The following PLEKHA5 variants were observed in gnomAD, a reference collection of about 807,000 sequenced individuals.
PLEKHA5 encodes the protein pleckstrin homology domain containing A5, also known as pleckstrin homology domain-containing family A member 5.
A neutral mutation model predicts 181.9 loss-of-function variants in PLEKHA5; 55 were observed. The ratio of observed to expected loss-of-function variants is 0.30; its 90% CI spans 0.24 to 0.38. The LOEUF (loss-of-function observed/expected upper bound fraction) is 0.38. PLEKHA5 is among the 10% of genes least tolerant of loss of function. PLEKHA5 has a pLI of 1.00. For synonymous variants in PLEKHA5, 535 were observed against 529.4 expected, an observed-to-expected ratio of 1.01 and a Z score of -0.15; for missense variants, 1,432 against 1,549.5, an observed-to-expected ratio of 0.92 and a Z score of 1.27.
At chr12:19,179,897 G>C (rs1021798617) in intron 3 of PLEKHA5, among the ~76,000 whole-genome samples, 3 of 152,104 alleles carry the variant, frequency 2.0e-5, no homozygotes, top group Admixed American at 2.0e-4. Flanking sequence ...AAAGGGTCTC[G>C]CTATATTTCC....
chr12:19,230,423 G>A (rs538483485), intron 3 of PLEKHA5, among the ~76,000 whole-genome samples: 145 of 152,250 alleles, frequency 9.5e-4, no homozygotes, highest in African/African-American at 2.5e-3. Context: ...GGTGCTCGTC[G>A]GGGAGGCTTG....
intron 3 of PLEKHA5, among the ~76,000 whole-genome samples, chr12:19,183,935 G>T (rs1423670191): frequency 6.6e-6 from 1 of 151,898 alleles, no homozygotes; most frequent in Non-Finnish European, 1.5e-5. Flanking sequence ...GGCTGGTCTC[G>T]AACTCCTGAC....
At chr12:19,245,413 G>A (rs893519240) in intron 3 of PLEKHA5, among the ~76,000 whole-genome samples, 11 of 152,070 alleles carry the variant, frequency 7.2e-5, no homozygotes, top group Non-Finnish European at 1.3e-4. Flanking sequence ...TTATTTTGCC[G>A]TTGGTTGAAT....
chr12:19,182,807 C>T (rs1230834769), intron 3 of PLEKHA5, among the ~76,000 whole-genome samples: 2 of 152,144 alleles, frequency 1.3e-5, no homozygotes, highest in Non-Finnish European at 2.9e-5. Flanking sequence ...TATTTGCTGT[C>T]AAATGCCAGA....
At chr12:19,324,263 A>G (rs1309661903) in intron 20 of PLEKHA5, among the ~76,000 whole-genome samples, 1 of 152,188 alleles carries the variant, frequency 6.6e-6, no homozygotes, top group East Asian at 1.9e-4. Context: ...TGATTTTAAA[A>G]TCACTGAAAA....
chr12:19,333,931 T>C (rs1248713070), intron 20 of PLEKHA5, among the ~76,000 whole-genome samples: 1 of 152,108 alleles, frequency 6.6e-6, no homozygotes, highest in Non-Finnish European at 1.5e-5. Flanking sequence ...TTTAACTGTA[T>C]AGCCTGGCAT....
intron 3 of PLEKHA5, among the ~76,000 whole-genome samples, chr12:19,187,579 A>G (rs1162198910): frequency 6.6e-6 from 1 of 152,220 alleles, no homozygotes; most frequent in Admixed American, 6.5e-5. Context: ...AGAAGCCACA[A>G]GGGCTTCAGT....
rs184632624 is a variant in PLEKHA5 at position 19,351,689 on chromosome 12, A to G, written c.3020-2195A>G. 1.0e-3 allele frequency among the ~76,000 whole-genome samples: 152 copies of G among 152,314 alleles called. 1 individual carries two copies. Among genetic ancestry groups the G allele is most frequent in the African/African-American group, 3.4e-3 (143 of 41,578 alleles). The stretch of plus-strand genomic sequence containing the variant: ...TCCAAAAAAGAAAAGAAGCTGGAGA[A>G]AATGCAAAGCAAAAAAATACATTGT... On this transcript the variant is annotated intron_variant, in intron 25 of 31. Coordinates refer to ENST00000429027, the MANE Select transcript of PLEKHA5 (RefSeq NM_001256470.2).
chr12:19,152,397 G>A (rs1229040776), intron 3 of PLEKHA5: 4 of 152,120 alleles, frequency 2.6e-5, no homozygotes, highest in African/African-American at 7.2e-5. Flanking sequence ...TTGACTCTAG[G>A]CTCATAGATA....
chr12:19,277,843 G>A (rs1187193458), intron 11 of PLEKHA5, among the ~76,000 whole-genome samples: 1 of 152,168 alleles, frequency 6.6e-6, no homozygotes, highest in East Asian at 1.9e-4. Flanking sequence ...AAGCTTTAAA[G>A]TTTCATTCTG....
Position 19,361,713 on chromosome 12 carries a change from T to G in PLEKHA5, c.3608+7T>G. The G allele has an allele frequency of 6.3e-7, 1 of 1,589,192 alleles. No individual in the cohort carries two copies. The highest frequency in any genetic ancestry group is 8.6e-7 in the Non-Finnish European group (1 of 1,168,684). On this transcript the variant is annotated splice_region_variant and intron_variant, in intron 29 of 31. Transcript: ENST00000429027. ...CTGAGGATGTTACATTCAGGTAATA[T>G]TTAAGAAAAGCAAAGGAATCATTCA...
At chr12:19,220,908 A>T (rs1183192292) in intron 3 of PLEKHA5, among the ~76,000 whole-genome samples, 1 of 152,176 alleles carries the variant, frequency 6.6e-6, no homozygotes, top group Admixed American at 6.5e-5. Context: ...TGCAAAAAAA[A>T]TGCTTAACAC....
At chr12:19,196,228 A>T (rs1217258255) in intron 3 of PLEKHA5, among the ~76,000 whole-genome samples, 1 of 152,180 alleles carries the variant, frequency 6.6e-6, no homozygotes, top group Admixed American at 6.5e-5. Context: ...GTCAGTACTG[A>T]TTAAGCATTT....
intron 30 of PLEKHA5, 55 bp downstream of exon 30, chr12:19,366,164 A>G (rs998790093): frequency 3.4e-5 from 48 of 1,413,096 alleles, no homozygotes; most frequent in Middle Eastern, 3.5e-4. Flanking sequence ...GAACTTCTAA[A>G]TTTATTTTCC....
At chr12:19,278,854 G>A (rs1949947491) in intron 11 of PLEKHA5, among the ~76,000 whole-genome samples, 2 of 152,234 alleles carry the variant, frequency 1.3e-5, no homozygotes, top group South Asian at 2.1e-4. Context: ...TGAATGCAGC[G>A]GTTCTTGTCT....
At chr12:19,340,422 C>T (rs2093785371) in intron 21 of PLEKHA5, among the ~76,000 whole-genome samples, 1 of 128,696 alleles carries the variant, frequency 7.8e-6, no homozygotes, top group Non-Finnish European at 1.8e-5. Context: ...AGGGGCGCCT[C>T]TGCCCGGCCA....
At chr12:19,305,029 G>T (rs1392109169) in intron 15 of PLEKHA5, among the ~76,000 whole-genome samples, 3 of 151,942 alleles carry the variant, frequency 2.0e-5, no homozygotes, top group African/African-American at 4.8e-5. Flanking sequence ...TTTCATGTGT[G>T]GACACATAGA....
chr12:19,334,830 AT>A (rs1305825743), intron 20 of PLEKHA5, among the ~76,000 whole-genome samples: 16,594 of 36,818 alleles, frequency 0.45, 5,555 homozygotes, highest in East Asian at 0.69. Context: ...AAAAAAAAAA[AT>A]ATATATATAT....
intron 3 of PLEKHA5, among the ~76,000 whole-genome samples, chr12:19,175,493 T>G (rs952393385): frequency 1.4e-4 from 22 of 152,214 alleles, no homozygotes; most frequent in African/African-American, 5.3e-4. Context: ...TAAAGCATGT[T>G]ATATACTAAT....
Sources: allele counts gnomAD v4.1 joint callset (sites outside exome capture counted in the v4.1 genomes callset), GRCh38; gene constraint gnomAD v4.1.1; transcripts MANE v1.5; gene names NCBI Gene and HGNC (gene_info 2026-07-23, HGNC 2026-07-21).